Variants in ARRDC4 observed in about 807,000 individuals in gnomAD.
ARRDC4 encodes arrestin domain-containing protein 4.
In ARRDC4, 40 loss-of-function variants were observed where a neutral mutation model predicts 44.6. The ratio of observed to expected loss-of-function variants is 0.90; its 90% CI spans 0.70 to 1.17. ARRDC4 has a LOEUF of 1.17. Ranked by LOEUF, ARRDC4 falls within the 50% of genes most tolerant of loss-of-function variation. The probability of loss-of-function intolerance (pLI) is 0.00; values close to 1 mark genes in which losing one functional copy is unlikely to be tolerated. For synonymous variants in ARRDC4, 211 were observed against 221.2 expected, an observed-to-expected ratio of 0.95 and a Z score of 0.41; for missense variants, 550 against 559.1, an observed-to-expected ratio of 0.98 and a Z score of 0.16.
rs1050123782 is a variant in ARRDC4 at position 97,966,918 on chromosome 15, TA to T, written c.522+879del. 4.6e-5 allele frequency among the ~76,000 whole-genome samples: 7 copies of T among 152,224 alleles called. No homozygotes were observed. The highest frequency in any genetic ancestry group is 1.7e-4 in the African/African-American group (7 of 41,456). On this transcript the variant is annotated intron_variant, in intron 3 of 7. Transcript: ENST00000268042. This position sits in a 1 kb window ranked among gnomAD's most constrained non-coding sequence, Gnocchi z 4.7. The stretch of plus-strand genomic sequence containing the variant: ...TGGAGGTTTTTCTAGCCTGTGTTTT[TA>T]AAGACAAGGAAAAAGCTAGCAGTTA...
In ARRDC4 at chr15:97,961,022, C is replaced by T. The variant is rs1272667718; in HGVS notation, c.161C>T (p.Ala54Val). 5 of 1,437,764 alleles carry T rather than the reference C, an allele frequency of 3.5e-6. No homozygotes were observed. The highest frequency in any genetic ancestry group is 1.4e-5 in the South Asian group (1 of 72,088). The allele number at this position is 1,437,764 out of a possible 1,614,324, so 89.1% of individuals were successfully genotyped here. ...GCGTCCGAGCCGGTGGCCCTGCGCG[C>T]GCTGCGCCTGGAGGCCCAGGGGCGC... ...LEASEPVALRALRLEAQGRAT... is the reference protein window; with the variant it reads ...LEASEPVALRVLRLEAQGRAT... The change falls in exon 1 of 8, where the codon GCG becomes GTG. Residue 54 changes from alanine to valine, a missense_variant. Physicochemically the swap from Ala to Val is moderately conservative, Grantham distance 64 (BLOSUM62 0). Transcript: ENST00000268042.
Position 97,969,167 on chromosome 15 carries a change from C to A in ARRDC4, c.670C>A (p.Arg224Ser). ...IYAEIENCSS[R>S]LIVPKAAIFQ... ...TGCAGAAATAGAAAATTGTTCCTCT[C>A]GTCTGATTGTTCCAAAGGCTGCTAT... is the stretch of plus-strand genomic sequence containing the variant. The change falls in exon 5 of 8, where the codon CGT (arginine) becomes AGT (serine). Residue 224 changes from arginine (R) to serine (S), a missense_variant. By Grantham distance (110) the Arg-to-Ser change is moderately radical (BLOSUM62 -1). Coordinates refer to ENST00000268042, the MANE Select transcript of ARRDC4 (RefSeq NM_183376.3). 3.1e-6 allele frequency: 5 copies of A among 1,613,872 alleles called. No individual in the cohort carries two copies. The highest frequency in any genetic ancestry group is 4.2e-6 in the Non-Finnish European group (5 of 1,179,822).
chr15:97,968,128 G>T lies in ARRDC4; in HGVS notation c.625+12G>T. 6.7e-7 allele frequency: 1 copy of T among 1,485,144 alleles called. No individual in the cohort carries two copies. Among genetic ancestry groups the T allele is most frequent in the Non-Finnish European group, 9.1e-7 (1 of 1,097,706 alleles). The allele number at this position is 1,485,144 out of a possible 1,614,324, so 92.0% of individuals were successfully genotyped here. ...GGGATACTGTAATGGTAAGCAAAAT[G>T]CTTGAAAGTCCAAATGAAAGATTTC... On this transcript the variant is annotated intron_variant, in intron 4 of 7. Coordinates refer to ENST00000268042, the MANE Select transcript of ARRDC4 (RefSeq NM_183376.3). This position sits in a 1 kb window ranked among gnomAD's most constrained non-coding sequence, Gnocchi z 5.4.
Position 97,960,740 on chromosome 15 carries a change from C to T in ARRDC4, c.-122C>T. 1 of 901,456 alleles carries T rather than the reference C, an allele frequency of 1.1e-6. No homozygotes were observed. Among genetic ancestry groups the T allele is most frequent in the Non-Finnish European group, 1.5e-6 (1 of 684,250 alleles). The allele number at this position is 901,456 out of a possible 1,614,324, so 55.8% of individuals were successfully genotyped here. On this transcript the variant is annotated 5_prime_UTR_variant, in exon 1 of 8. Transcript: ENST00000268042. ...GGCGAGCCGGTGCCCCATCGGGTAC[C>T]GCACGGCTGCCGCGGCGGCCTTACC...
chr15:97,968,977 G>A lies in ARRDC4; in HGVS notation c.626-146G>A, dbSNP rs2172123. On this transcript the variant is annotated intron_variant, in intron 4 of 7. Transcript: ENST00000268042. The surrounding 1 kb of genome is among the most constrained non-coding windows in gnomAD (Gnocchi z 5.4). Reference sequence around the variant, plus strand: ...ACCTGCAGTGAATTTTTATTTCTCTGGCTTGAATTTACAATATGTTTTCCA... The same window carrying A: ...ACCTGCAGTGAATTTTTATTTCTCTAGCTTGAATTTACAATATGTTTTCCA... The A allele has an allele frequency of 0.068, 58,275 of 862,834 alleles. 2,318 individuals carry two copies. Among genetic ancestry groups the A allele is most frequent in the Admixed American group, 0.084 (3,158 of 37,456 alleles). The allele number at this position is 862,834 out of a possible 1,614,324, so 53.4% of individuals were successfully genotyped here.
In ARRDC4 at chr15:97,968,256, T is replaced by G; in HGVS notation, c.625+140T>G. 2.3e-6 allele frequency: 1 copy of G among 425,534 alleles called. No individual in the cohort carries two copies. Among genetic ancestry groups the G allele is most frequent in the East Asian group, 3.7e-5 (1 of 27,272 alleles). The allele number at this position is 425,534 out of a possible 1,614,324, so 26.4% of individuals were successfully genotyped here. On this transcript the variant is annotated intron_variant, in intron 4 of 7. Coordinates refer to ENST00000268042, the MANE Select transcript of ARRDC4 (RefSeq NM_183376.3). This position sits in a 1 kb window ranked among gnomAD's most constrained non-coding sequence, Gnocchi z 5.4. ...CATGAATAGTGATACATTTTTTATA[T>G]AAATAATTGATATTTAAGTATTTTT...
Position 97,965,519 on chromosome 15 carries a change from T to C in ARRDC4, c.308-81T>C, listed in dbSNP as rs1316286665. 2 of 1,255,996 alleles carry C rather than the reference T, an allele frequency of 1.6e-6. No homozygotes were observed. The highest frequency in any genetic ancestry group is 2.3e-5 in the East Asian group (1 of 42,854). The allele number at this position is 1,255,996 out of a possible 1,614,324, so 77.8% of individuals were successfully genotyped here. ...GCATTTTGTAGCGAGAAAAACTTCCTTCAAAAAATTATTTACATTGTGAAA... is the reference window on the plus strand; with the variant it reads ...GCATTTTGTAGCGAGAAAAACTTCCCTCAAAAAATTATTTACATTGTGAAA... On this transcript the variant is annotated intron_variant, in intron 1 of 7. Coordinates refer to ENST00000268042, the MANE Select transcript of ARRDC4 (RefSeq NM_183376.3). The surrounding 1 kb of genome is among the most constrained non-coding windows in gnomAD (Gnocchi z 5.1).
Position 97,965,017 on chromosome 15 carries a change from CAT to C in ARRDC4, c.308-579_308-578del, listed in dbSNP as rs1298619332. 1.3e-5 allele frequency among the ~76,000 whole-genome samples: 2 copies of C among 150,944 alleles called. No homozygotes were observed. The highest frequency in any genetic ancestry group is 6.6e-5 in the Admixed American group (1 of 15,208). On this transcript the variant is annotated intron_variant, in intron 1 of 7. Coordinates refer to ENST00000268042, the MANE Select transcript of ARRDC4 (RefSeq NM_183376.3). This position sits in a 1 kb window ranked among gnomAD's most constrained non-coding sequence, Gnocchi z 5.1. ...TTACATACACACACACACACACACA[CAT>C]ATACATATCCATATACACATATATA...
intron 5 of ARRDC4, 75 bp downstream of exon 5, chr15:97,969,454 G>C (rs777335695): frequency 2.6e-6 from 4 of 1,512,314 alleles, no homozygotes; most frequent in Non-Finnish European, 3.6e-6. Flanking sequence ...TGGGTATGTA[G>C]AGTTGCCTAT....
Position 97,969,856 on chromosome 15 carries a change from C to CTCTTTTTTT in ARRDC4, c.883-26_883-25insCTTTTTTTT, listed in dbSNP as rs754993418. The CTCTTTTTTT allele has an allele frequency of 6.7e-4, 902 of 1,353,070 alleles. 7 individuals carry two copies. In the African/African-American group the frequency reaches 0.013, roughly 19 times the overall value. 83.8% of individuals were successfully genotyped at this position (1,353,070 alleles called of 1,614,324 possible). On this transcript the variant is annotated intron_variant, in intron 5 of 7. Transcript: ENST00000268042. ...GTGTAGCTTACATTTGTTCCTTTCT[C>CTCTTTTTTT]TTTTTTTTTTTTTTTTGGCTTATTA...
At chr15:97,969,058 A>G (rs77329358) in intron 4 of ARRDC4, 65 bp from the exon 5 acceptor site, 1 of 1,537,816 alleles carries the variant, frequency 6.5e-7, no homozygotes, top group African/African-American at 1.4e-5. Flanking sequence ...ATACGGCCCT[A>G]ATCCATTGTG....
chr15:97,960,825 T>C lies in ARRDC4; in HGVS notation c.-37T>C. On this transcript the variant is annotated 5_prime_UTR_variant, in exon 1 of 8. Transcript: ENST00000268042. ...GCTCGCGACCCCGGCTCCGGGCCTC[T>C]GCCGACCTCAGGGGCAGGAAAGAGT... The C allele has an allele frequency of 1.3e-5, 16 of 1,276,618 alleles. No homozygotes were observed. Among genetic ancestry groups the C allele is most frequent in the Non-Finnish European group, 1.5e-5 (15 of 1,012,722 alleles). The allele number at this position is 1,276,618 out of a possible 1,614,324, so 79.1% of individuals were successfully genotyped here.
chr15:97,969,802 A>C (rs1343939391), intron 5 of ARRDC4, 81 bp from the exon 6 acceptor site: 3 of 1,317,332 alleles, frequency 2.3e-6, no homozygotes, highest in Non-Finnish European at 3.1e-6. Flanking sequence ...TCTATGAAAA[A>C]AAGAAATTAA....
intron 1 of ARRDC4, among the ~76,000 whole-genome samples, chr15:97,962,586 CA>C (rs376039517): frequency 0.013 from 1,967 of 152,272 alleles, 29 homozygotes; most frequent in African/African-American, 0.044. Context: ...TCTGGGCTAA[CA>C]TTTTTTTTAA....
At position 97,960,741 on chromosome 15, in the gene ARRDC4, G is replaced by C. The variant is rs1899291378; in HGVS notation, c.-121G>C. ...GCGAGCCGGTGCCCCATCGGGTACC[G>C]CACGGCTGCCGCGGCGGCCTTACCC... On this transcript the variant is annotated 5_prime_UTR_variant, in exon 1 of 8. Transcript: ENST00000268042. 6 of 908,236 alleles carry C rather than the reference G, an allele frequency of 6.6e-6. No homozygotes were observed. Among genetic ancestry groups the C allele is most frequent in the Non-Finnish European group, 8.7e-6 (6 of 690,792 alleles). 56.3% of individuals were successfully genotyped at this position (908,236 alleles called of 1,614,324 possible). A position where few individuals can be genotyped will look rare whatever the true frequency, so the allele number is the denominator to read the frequency against.
chr15:97,967,294 TA>T lies in ARRDC4; in HGVS notation c.523-710del, dbSNP rs139424082. Among the ~76,000 whole-genome samples the T allele has an allele frequency of 0.083, 12,471 of 150,212 alleles. 773 individuals are homozygous for T. The highest frequency in any genetic ancestry group is 0.18 in the African/African-American group (7,449 of 41,040). On this transcript the variant is annotated intron_variant, in intron 3 of 7. Coordinates refer to ENST00000268042, the MANE Select transcript of ARRDC4 (RefSeq NM_183376.3). The surrounding 1 kb of genome is among the most constrained non-coding windows in gnomAD (Gnocchi z 5.0). ...GATCCCTTACGATTCTTTATATAAA[TA>T]AAAAAAAAATATTGCAAGTAACTGG...
At chr15:97,963,674 T>C (rs1454563452) in intron 1 of ARRDC4, among the ~76,000 whole-genome samples, 2 of 152,228 alleles carry the variant, frequency 1.3e-5, no homozygotes, top group Non-Finnish European at 2.9e-5. Context: ...TAGCACTCCA[T>C]GGTCATTGCT....
At position 97,970,640 on chromosome 15, in the gene ARRDC4, T is replaced by C. The variant is rs752215159; in HGVS notation, c.1097T>C (p.Ile366Thr). The change falls in exon 7 of 8, where the codon ATT becomes ACT. Residue 366 changes from isoleucine (I) to threonine (T), a missense_variant. By Grantham distance (89) the Ile-to-Thr change is moderately conservative. Coordinates refer to ENST00000268042, the MANE Select transcript of ARRDC4 (RefSeq NM_183376.3). This position sits in a 1 kb window ranked among gnomAD's most constrained non-coding sequence, Gnocchi z 4.2. Reference protein sequence around the residue: ...VVSEEEFSRHIPPYPQPPNCE... With the variant: ...VVSEEEFSRHTPPYPQPPNCE... ...TCAGAGGAAGAATTCTCTAGACACA[T>C]TCCTCCTTACCCTCAACCCCCTAAC... 2 of 1,613,438 alleles carry C rather than the reference T, an allele frequency of 1.2e-6. No individual in the cohort carries two copies. The highest frequency in any genetic ancestry group is 1.7e-5 in the Admixed American group (1 of 59,948).
rs1899303224 is a variant in ARRDC4, at chr15:97,961,013, C to G, written c.152C>G (p.Ala51Gly). ...CTGCTGGAGGCGTCCGAGCCGGTGGCCCTGCGCGCGCTGCGCCTGGAGGCC... is the reference window on the plus strand; with the variant it reads ...CTGCTGGAGGCGTCCGAGCCGGTGGGCCTGCGCGCGCTGCGCCTGGAGGCC... ...HVLLEASEPV[A>G]LRALRLEAQG... Residue 51 changes from alanine (A) to glycine (G), a missense_variant, in exon 1 of 8, where the codon GCC (alanine) becomes GGC (glycine). Physicochemically the swap from Ala to Gly is moderately conservative, Grantham distance 60. Coordinates refer to ENST00000268042, the MANE Select transcript of ARRDC4 (RefSeq NM_183376.3). 1.4e-6 allele frequency: 2 copies of G among 1,441,144 alleles called. No homozygotes were observed. Among genetic ancestry groups the G allele is most frequent in the Admixed American group, 2.5e-5 (1 of 39,746 alleles). 89.3% of individuals were successfully genotyped at this position (1,441,144 alleles called of 1,614,324 possible). A position where few individuals can be genotyped will look rare whatever the true frequency, so the allele number is the denominator to read the frequency against.
Sources: allele counts gnomAD v4.1 joint callset (sites outside exome capture counted in the v4.1 genomes callset), GRCh38; gene constraint gnomAD v4.1.1; non-coding constraint Gnocchi (gnomAD v3.1); transcripts MANE v1.5; gene names NCBI Gene and HGNC (gene_info 2026-07-23, HGNC 2026-07-21).